Variants in TBC1D5 observed in about 807,000 individuals in gnomAD.
The protein encoded by TBC1D5 is TBC1 domain family, member 5.
A neutral mutation model predicts 100.3 loss-of-function variants in TBC1D5; 75 were observed. That is an observed-to-expected ratio of 0.75 (90% CI 0.62 to 0.91). TBC1D5 has a LOEUF of 0.91. Among genes scored for constraint, TBC1D5 ranks in the 40% least tolerant of loss-of-function variants. TBC1D5 has a pLI of 0.00. For missense variants in TBC1D5, 910 were observed against 942.4 expected (o/e 0.97, Z 0.45); for synonymous variants, 323 against 325.6 (o/e 0.99, Z 0.09).
chr3:17,711,896 A>C (rs768915334), intron 1 of TBC1D5, among the ~76,000 whole-genome samples: 1 of 152,236 alleles, frequency 6.6e-6, no homozygotes, highest in Admixed American at 6.5e-5. Context: ...TGTTGAAGGT[A>C]ATGTGCATGT....
intron 19 of TBC1D5, among the ~76,000 whole-genome samples, chr3:17,177,297 GT>G (rs761634461): frequency 2.0e-5 from 3 of 152,156 alleles, no homozygotes; most frequent in Non-Finnish European, 4.4e-5. Context: ...AGTTTGCTAA[GT>G]TTTTCTAAAT....
chr3:17,638,193 T>C (rs970534810), intron 1 of TBC1D5, among the ~76,000 whole-genome samples: 1 of 152,140 alleles, frequency 6.6e-6, no homozygotes, highest in African/African-American at 2.4e-5. Flanking sequence ...AGTCATCCAT[T>C]TGAAGTGTAT....
At chr3:17,424,719 C>T (rs2094297801) in intron 4 of TBC1D5, among the ~76,000 whole-genome samples, 1 of 152,014 alleles carries the variant, frequency 6.6e-6, no homozygotes, top group Non-Finnish European at 1.5e-5. Context: ...TGCAGCTGTA[C>T]TCTATCTGAA....
At chr3:17,726,645 T>TC (rs1346726900) in intron 1 of TBC1D5, among the ~76,000 whole-genome samples, 1 of 152,178 alleles carries the variant, frequency 6.6e-6, no homozygotes, top group Admixed American at 6.5e-5. Flanking sequence ...TAGAAATATT[T>TC]CCCCCCATTC....
At chr3:17,681,033 G>C (rs2069383767) in intron 1 of TBC1D5, among the ~76,000 whole-genome samples, 1 of 151,356 alleles carries the variant, frequency 6.6e-6, no homozygotes, top group African/African-American at 2.5e-5. Context: ...AGGCATGAAA[G>C]AAATCTTGTG....
chr3:17,521,071 T>C (rs2096058743), intron 2 of TBC1D5, among the ~76,000 whole-genome samples: 1 of 152,144 alleles, frequency 6.6e-6, no homozygotes, highest in Non-Finnish European at 1.5e-5. Flanking sequence ...AGAAATATAA[T>C]AGACAAATGA....
chr3:17,292,320 A>C (rs1395475839), intron 14 of TBC1D5, among the ~76,000 whole-genome samples: 1 of 152,232 alleles, frequency 6.6e-6, no homozygotes, highest in African/African-American at 2.4e-5. Context: ...GGCTATGTTT[A>C]AATGTCTCCT....
At chr3:17,409,152 G>A (rs141257770) in intron 4 of TBC1D5, among the ~76,000 whole-genome samples, 2 of 152,110 alleles carry the variant, frequency 1.3e-5, no homozygotes, top group Admixed American at 1.3e-4. Flanking sequence ...TGGCAACCTT[G>A]CATTGAGCAA....
At chr3:17,340,536 C>A (rs536299203) in intron 13 of TBC1D5, 1 of 152,140 alleles carries the variant, frequency 6.6e-6, no homozygotes, top group African/African-American at 2.4e-5. Context: ...TATATCAATA[C>A]CTGATTTAGA....
At position 17,410,809 on chromosome 3, in the gene TBC1D5, T is replaced by C. The variant is rs2093903637; in HGVS notation, c.168-4283A>G. Among the ~76,000 whole-genome samples the C allele has an allele frequency of 2.0e-5, 3 of 152,304 alleles. 1 individual carries two copies. In the South Asian group the frequency reaches 6.2e-4, roughly 32 times the overall value. ...AACTTAAATTAGAAGTTGCTTCTTATGAATCAACAAAGAAAGTAGTTTCTT... is the reference window on the plus strand; with the variant it reads ...AACTTAAATTAGAAGTTGCTTCTTACGAATCAACAAAGAAAGTAGTTTCTT... On this transcript the variant is annotated intron_variant, in intron 4 of 21. Coordinates refer to ENST00000253692, the Ensembl canonical transcript of TBC1D5.
At chr3:17,707,660 G>A (rs1457814953) in intron 1 of TBC1D5, among the ~76,000 whole-genome samples, 1 of 152,106 alleles carries the variant, frequency 6.6e-6, no homozygotes, top group African/African-American at 2.4e-5. Context: ...TTTCTCCTTT[G>A]TGAATTAAGC....
chr3:17,494,964 C>T (rs1289920251), intron 3 of TBC1D5, among the ~76,000 whole-genome samples: 1 of 152,198 alleles, frequency 6.6e-6, no homozygotes, highest in Non-Finnish European at 1.5e-5. Flanking sequence ...TACACGATTT[C>T]CCAGGCAGGG....
intron 2 of TBC1D5, among the ~76,000 whole-genome samples, chr3:17,570,831 A>G (rs116206355): frequency 2.4e-4 from 37 of 152,108 alleles, no homozygotes; most frequent in African/African-American, 7.5e-4. Flanking sequence ...TGTAATTATT[A>G]AAGTTATTGT....
chr3:17,506,876 C>T (rs961730028), intron 3 of TBC1D5, among the ~76,000 whole-genome samples: 1 of 151,868 alleles, frequency 6.6e-6, no homozygotes, highest in Non-Finnish European at 1.5e-5. Flanking sequence ...ATTAGCCAGG[C>T]GAAGTGGCAG....
intron 2 of TBC1D5, among the ~76,000 whole-genome samples, chr3:17,516,302 G>T (rs1189923338): frequency 6.6e-6 from 1 of 151,848 alleles, no homozygotes; most frequent in African/African-American, 2.4e-5. Flanking sequence ...TTTTTTAATG[G>T]TTCCCCTCTA....
At chr3:17,198,847 C>T (rs1200885993) in intron 18 of TBC1D5, among the ~76,000 whole-genome samples, 2 of 152,170 alleles carry the variant, frequency 1.3e-5, no homozygotes, top group Admixed American at 6.5e-5. Flanking sequence ...TGCCCATGCT[C>T]CACTGGAAAG....
At chr3:17,441,861 T>C (rs894175054) in intron 3 of TBC1D5, among the ~76,000 whole-genome samples, 13 of 152,046 alleles carry the variant, frequency 8.6e-5, no homozygotes, top group Non-Finnish European at 1.3e-4. Flanking sequence ...CAGATCACAA[T>C]AAAACAAACC....
chr3:17,596,935 T>C (rs1238200034), intron 2 of TBC1D5, among the ~76,000 whole-genome samples: 1 of 152,172 alleles, frequency 6.6e-6, no homozygotes, highest in African/African-American at 2.4e-5. Flanking sequence ...TAACCTGATC[T>C]ATTGGCACAC....
chr3:17,335,961 G>A (rs2151273709), intron 13 of TBC1D5, among the ~76,000 whole-genome samples: 1 of 152,134 alleles, frequency 6.6e-6, no homozygotes, highest in East Asian at 1.9e-4. Flanking sequence ...TTCCTATGCT[G>A]CTGACCACTA....
Sources: gnomAD v4.1 joint callset for allele counts (sites outside exome capture counted in the v4.1 genomes callset) on GRCh38, gnomAD v4.1.1 for gene constraint, MANE v1.5 for transcripts, NCBI Gene and HGNC (gene_info 2026-07-23, HGNC 2026-07-21) for gene names.